The following PCDHA5 variants were observed in gnomAD, a reference collection of about 807,000 sequenced individuals.
The protein encoded by PCDHA5 is protocadherin alpha 5.
PCDHA5 carries 43 observed loss-of-function variants against 61.6 expected under a neutral mutation model. The ratio of observed to expected loss-of-function variants is 0.70; its 90% CI spans 0.55 to 0.90. The LOEUF (loss-of-function observed/expected upper bound fraction) is 0.90, where lower values mean the gene tolerates loss of function less well. PCDHA5 is among the 40% of genes least tolerant of loss of function. The pLI is 0.00. For synonymous variants in PCDHA5, 627 were observed against 543.9 expected (o/e 1.15, Z -2.13); for missense variants, 1,298 against 1,222.7 (o/e 1.06, Z -0.92).
chr5:140,904,584 A>T (rs1434719463), intron 1 of PCDHA5, among the ~76,000 whole-genome samples: 1 of 152,088 alleles, frequency 6.6e-6, no homozygotes, highest in African/African-American at 2.4e-5. Context: ...GACACCCAGT[A>T]GTGGGACTGC....
At chr5:140,848,532 C>G (rs2150412105) in intron 1 of PCDHA5, 1 of 1,594,974 alleles carries the variant, frequency 6.3e-7, no homozygotes, top group Non-Finnish European at 8.6e-7. Context: ...AGAGGGTCAG[C>G]CTCTACTGCT....
chr5:140,870,560 A>G, intron 1 of PCDHA5: 1 of 1,614,000 alleles, frequency 6.2e-7, no homozygotes, highest in Middle Eastern at 1.7e-4. Flanking sequence ...GCGCAGGAGA[A>G]CGCGCTGGTG....
chr5:140,977,762 C>T (rs996806241), intron 1 of PCDHA5, among the ~76,000 whole-genome samples: 6 of 152,124 alleles, frequency 3.9e-5, no homozygotes, highest in Non-Finnish European at 5.9e-5. Context: ...TTATTAAATA[C>T]TTTGCATCCC....
intron 1 of PCDHA5, chr5:140,848,269 G>A: frequency 2.0e-6 from 1 of 502,308 alleles, no homozygotes; most frequent in Non-Finnish European, 3.5e-6. Context: ...TTTTATTCAT[G>A]AAATATGTAC....
At chr5:140,861,115 A>G (rs1466747567) in intron 1 of PCDHA5, 1 of 152,586 alleles carries the variant, frequency 6.6e-6, no homozygotes, top group Non-Finnish European at 1.5e-5. Context: ...AAAACTACAA[A>G]CACCCATTAA....
chr5:140,922,989 G>A (rs2081104632), intron 1 of PCDHA5, among the ~76,000 whole-genome samples: 1 of 152,214 alleles, frequency 6.6e-6, no homozygotes, highest in Non-Finnish European at 1.5e-5. Context: ...CAATAGGCAA[G>A]CCATGAGAAT....
At chr5:140,971,643 T>C (rs2096490301) in intron 1 of PCDHA5, among the ~76,000 whole-genome samples, 2 of 152,134 alleles carry the variant, frequency 1.3e-5, no homozygotes, top group African/African-American at 4.8e-5. Flanking sequence ...TGTGCCTACA[T>C]TAAAAGTAGA....
At chr5:140,969,139 C>T (rs1407003944) in intron 1 of PCDHA5, 5 of 1,614,064 alleles carry the variant, frequency 3.1e-6, no homozygotes, top group Non-Finnish European at 4.2e-6. Context: ...CCAAGACCTA[C>T]TGCTACAAGG....
At chr5:140,870,633 C>A in intron 1 of PCDHA5, 2 of 1,612,872 alleles carry the variant, frequency 1.2e-6, no homozygotes, top group Middle Eastern at 1.8e-4. Context: ...TGTCGGTGCA[C>A]GCGGAGAGCG....
In PCDHA5 at chr5:141,010,048, C is replaced by T; in HGVS notation, c.*111C>T. 4 of 1,597,434 alleles carry T rather than the reference C, an allele frequency of 2.5e-6. No homozygotes were observed. The highest frequency in any genetic ancestry group is 3.4e-6 in the Non-Finnish European group (4 of 1,172,252). Reference sequence around the variant, plus strand: ...CTATCTACATGAGCCCTCTTAGAGACCTCAGAAATCTGCAGAAAGTTCCCT... The same window carrying T: ...CTATCTACATGAGCCCTCTTAGAGATCTCAGAAATCTGCAGAAAGTTCCCT... On this transcript the variant is annotated 3_prime_UTR_variant, in exon 4 of 4. Coordinates refer to ENST00000529859, the MANE Select transcript of PCDHA5 (RefSeq NM_018908.3).
At chr5:140,905,910 A>G (rs2153491860) in intron 1 of PCDHA5, among the ~76,000 whole-genome samples, 1 of 152,334 alleles carries the variant, frequency 6.6e-6, no homozygotes, top group Admixed American at 6.5e-5. Context: ...GGAGCAAGGA[A>G]TCCAATCTGA....
intron 1 of PCDHA5, chr5:140,871,116 C>G (rs200344692): frequency 6.2e-7 from 1 of 1,613,264 alleles, no homozygotes; most frequent in East Asian, 2.2e-5. Flanking sequence ...TGGTGGAGAG[C>G]GGACAGGCGC....
Position 140,841,763 on chromosome 5 carries a change from C to T in PCDHA5, c.2352+17636C>T. The T allele has an allele frequency of 1.9e-6, 3 of 1,613,884 alleles. No individual in the cohort carries two copies. The highest frequency in any genetic ancestry group is 1.3e-5 in the African/African-American group (1 of 74,976). ...GCTGTTTGTTTCAGAATCCAGAATG[C>T]CAGACTCTCGGTTTCCGCTAGAGGG... On this transcript the variant is annotated intron_variant, in intron 1 of 3. Transcript: ENST00000529859.
intron 1 of PCDHA5, chr5:140,828,532 G>T: frequency 6.2e-7 from 1 of 1,614,280 alleles, no homozygotes; most frequent in Non-Finnish European, 8.5e-7. Context: ...AATCTAGGCT[G>T]CCAGATTCTG....
chr5:140,935,118 T>G (rs189908862), intron 1 of PCDHA5, among the ~76,000 whole-genome samples: 6 of 152,324 alleles, frequency 3.9e-5, no homozygotes, highest in Admixed American at 3.3e-4. Flanking sequence ...AGCTTTCACT[T>G]ATTTTTAGTG....
chr5:140,943,493 T>C (rs2093505211), intron 1 of PCDHA5, among the ~76,000 whole-genome samples: 1 of 152,118 alleles, frequency 6.6e-6, no homozygotes, highest in Non-Finnish European at 1.5e-5. Context: ...AAATAGATGC[T>C]ATCAAGGTTC....
intron 3 of PCDHA5, among the ~76,000 whole-genome samples, chr5:140,984,079 G>A (rs1554245959): frequency 2.0e-5 from 3 of 152,244 alleles, no homozygotes; most frequent in Admixed American, 2.0e-4. Context: ...CAACGATGGA[G>A]TGAAGAAATG....
At position 140,828,503 on chromosome 5, in the gene PCDHA5, CA is replaced by C. The variant is rs2150156146; in HGVS notation, c.2352+4379del. The stretch of plus-strand genomic sequence containing the variant: ...CCCGCCCTTGTTCCCGGTAGAGGAA[CA>C]AAGAGTGCTGATTTACGAATCTAGG... On this transcript the variant is annotated intron_variant, in intron 1 of 3. Coordinates refer to ENST00000529859, the MANE Select transcript of PCDHA5 (RefSeq NM_018908.3). 1.9e-6 allele frequency: 3 copies of C among 1,614,120 alleles called. No individual in the cohort carries two copies. The Admixed American group carries it at 5.0e-5, about 27-fold the overall frequency.
chr5:141,009,948 T>C lies in PCDHA5; in HGVS notation c.*11T>C, dbSNP rs201131092. 1 of 1,595,948 alleles carries C rather than the reference T, an allele frequency of 6.3e-7. No individual in the cohort carries two copies. The highest frequency in any genetic ancestry group is 1.4e-5 in the African/African-American group (1 of 73,610). On this transcript the variant is annotated 3_prime_UTR_variant, in exon 4 of 4. Coordinates refer to ENST00000529859, the MANE Select transcript of PCDHA5 (RefSeq NM_018908.3). ...AACAGTGACCAGTGAGGTCCTCAAA[T>C]GGAAACAAGCCACTTAGCCAGTTTT...
Sources: allele counts gnomAD v4.1 joint callset (sites outside exome capture counted in the v4.1 genomes callset), GRCh38; gene constraint gnomAD v4.1.1; transcripts MANE v1.5; gene names NCBI Gene and HGNC (gene_info 2026-07-23, HGNC 2026-07-21).